The following XRCC5 variants were observed in gnomAD, a reference collection of about 807,000 sequenced individuals.
The protein encoded by XRCC5 is DNA repair protein Ku80.
In XRCC5, 12 loss-of-function variants were observed where a neutral mutation model predicts 95.7. The observed-to-expected ratio is 0.13, with a 90% CI of 0.08 to 0.20. XRCC5 has a LOEUF of 0.20. XRCC5 is among the 10% of genes least tolerant of loss of function. XRCC5 has a pLI of 1.00. For missense variants in XRCC5, 595 were observed against 873.9 expected (o/e 0.68, Z 4.02); for synonymous variants, 281 against 290.3 (o/e 0.97, Z 0.33).
chr2:216,164,872 C>T (rs971539122), intron 16 of XRCC5, among the ~76,000 whole-genome samples: 1 of 152,188 alleles, frequency 6.6e-6, no homozygotes, highest in African/African-American at 2.4e-5. Context: ...AGCACCTGAG[C>T]ACACAGGAGG....
At chr2:216,181,310 C>T (rs1689382270) in intron 16 of XRCC5, among the ~76,000 whole-genome samples, 1 of 152,108 alleles carries the variant, frequency 6.6e-6, no homozygotes, top group Admixed American at 6.5e-5. Flanking sequence ...TCATTCCTGC[C>T]CATATGTTTG....
At chr2:216,138,927 T>C (rs1316101160) in intron 12 of XRCC5, among the ~76,000 whole-genome samples, 3 of 152,194 alleles carry the variant, frequency 2.0e-5, no homozygotes, top group African/African-American at 2.4e-5. Context: ...CTCAATTCTT[T>C]CTGTTATTTT....
chr2:216,152,066 A>T (rs1028538435), intron 14 of XRCC5, among the ~76,000 whole-genome samples: 5 of 152,230 alleles, frequency 3.3e-5, no homozygotes, highest in African/African-American at 4.8e-5. Context: ...TCACAAGATT[A>T]GCATGAGGGA....
At chr2:216,135,135 T>C (rs1697054086) in intron 10 of XRCC5, among the ~76,000 whole-genome samples, 2 of 152,288 alleles carry the variant, frequency 1.3e-5, no homozygotes, top group South Asian at 4.1e-4. Context: ...TACAACAGCA[T>C]GGCTGGGAGG....
At chr2:216,186,444 A>G (rs569217699) in intron 16 of XRCC5, among the ~76,000 whole-genome samples, 1 of 152,248 alleles carries the variant, frequency 6.6e-6, no homozygotes, top group Admixed American at 6.5e-5. Context: ...AACATTTTGA[A>G]TATGATACTG....
chr2:216,171,605 C>G (rs1377898848), intron 16 of XRCC5, among the ~76,000 whole-genome samples: 1 of 152,174 alleles, frequency 6.6e-6, no homozygotes, highest in East Asian at 1.9e-4. Context: ...TAATGAGGCT[C>G]AGCCATAACA....
intron 16 of XRCC5, among the ~76,000 whole-genome samples, chr2:216,185,974 A>G (rs1689485806): frequency 1.3e-5 from 2 of 152,210 alleles, no homozygotes; most frequent in African/African-American, 4.8e-5. Flanking sequence ...GACATTTGCA[A>G]AATGTACAGC....
intron 10 of XRCC5, among the ~76,000 whole-genome samples, chr2:216,134,462 T>C: frequency 6.6e-6 from 1 of 151,506 alleles, no homozygotes. Flanking sequence ...GTTTGGCTTT[T>C]TGTAGCCCAT....
chr2:216,187,142 G>A (rs1689508229), intron 16 of XRCC5, among the ~76,000 whole-genome samples: 1 of 152,164 alleles, frequency 6.6e-6, no homozygotes, highest in African/African-American at 2.4e-5. Context: ...ATTCCTAGAA[G>A]GCCAAAATCT....
chr2:216,173,448 A>G (rs186001521), intron 16 of XRCC5, among the ~76,000 whole-genome samples: 81 of 152,296 alleles, frequency 5.3e-4, no homozygotes, highest in Non-Finnish European at 8.5e-4. Flanking sequence ...GTTTTGTTAG[A>G]TGCATTTTCT....
At chr2:216,144,731 A>G (rs1031800625) in intron 13 of XRCC5, among the ~76,000 whole-genome samples, 2 of 152,218 alleles carry the variant, frequency 1.3e-5, no homozygotes, top group Non-Finnish European at 2.9e-5. Context: ...AGGGTTGCAG[A>G]GCCTAGAAGA....
chr2:216,161,524 G>C (rs1038833789), intron 15 of XRCC5, among the ~76,000 whole-genome samples: 1 of 152,222 alleles, frequency 6.6e-6, no homozygotes, highest in Non-Finnish European at 1.5e-5. Context: ...GTCAGCAGCA[G>C]TCCCACTAAT....
intron 1 of XRCC5, chr2:216,111,531 G>GA (rs899280302): frequency 1.4e-3 from 380 of 268,722 alleles, no homozygotes; most frequent in South Asian, 2.9e-3. Flanking sequence ...CAAAAAAAAG[G>GA]AAAAAAAAAT....
At chr2:216,183,508 A>G (rs998551352) in intron 16 of XRCC5, among the ~76,000 whole-genome samples, 1 of 152,088 alleles carries the variant, frequency 6.6e-6, no homozygotes, top group Non-Finnish European at 1.5e-5. Context: ...TATTGGTAAG[A>G]ATAATAATAA....
chr2:216,130,124 A>C (rs1325854350), intron 8 of XRCC5, among the ~76,000 whole-genome samples: 1 of 152,158 alleles, frequency 6.6e-6, no homozygotes, highest in Admixed American at 6.5e-5. Flanking sequence ...GCATTTGTCC[A>C]AGGCCAGAAT....
chr2:216,167,571 T>TGTGG (rs1491534657), intron 16 of XRCC5, among the ~76,000 whole-genome samples: 9 of 5,028 alleles, frequency 1.8e-3, no homozygotes, highest in Admixed American at 5.4e-3. Flanking sequence ...TGTGTGGGTT[T>TGTGG]GTGTGTGTGT....
chr2:216,175,232 C>G (rs762520986), intron 16 of XRCC5: 11 of 385,756 alleles, frequency 2.9e-5, no homozygotes, highest in Middle Eastern at 1.0e-3. Flanking sequence ...ACCTCCACAT[C>G]CATTATATCC....
chr2:216,123,573 A>T (rs1696853883), intron 6 of XRCC5, among the ~76,000 whole-genome samples: 1 of 152,218 alleles, frequency 6.6e-6, no homozygotes, highest in Admixed American at 6.5e-5. Context: ...TGGGAGGCTG[A>T]GGTGGGCAGA....
intron 3 of XRCC5, 60 bp downstream of exon 3, chr2:216,116,902 G>C (rs1696707694): frequency 6.4e-7 from 1 of 1,568,264 alleles, no homozygotes; most frequent in Non-Finnish European, 8.7e-7. Flanking sequence ...GAATCGTACA[G>C]CAGTTTGATG....
Sources: allele counts gnomAD v4.1 joint callset (sites outside exome capture counted in the v4.1 genomes callset), GRCh38; gene constraint gnomAD v4.1.1; transcripts MANE v1.5; gene names NCBI Gene and HGNC (gene_info 2026-07-23, HGNC 2026-07-21).